SCAPER: variants seen among roughly 807,000 people sequenced by gnomAD.
SCAPER encodes the protein S-phase cyclin A associated protein in the ER.
SCAPER carries 98 observed loss-of-function variants against 182.2 expected under a neutral mutation model. The observed-to-expected ratio is 0.54, with a 90% CI of 0.46 to 0.64. The LOEUF (loss-of-function observed/expected upper bound fraction) is 0.64, where lower values mean the gene tolerates loss of function less well. Among genes scored for constraint, SCAPER ranks in the 30% least tolerant of loss-of-function variants. The probability of loss-of-function intolerance (pLI) is 0.00; values close to 1 mark genes in which losing one functional copy is unlikely to be tolerated. For missense variants in SCAPER, 1,432 were observed against 1,690.0 expected, an observed-to-expected ratio of 0.85 and a Z score of 2.68; for synonymous variants, 605 against 564.6, an observed-to-expected ratio of 1.07 and a Z score of -1.01.
chr15:76,563,773 G>A (rs2046823934), intron 23 of SCAPER, among the ~76,000 whole-genome samples: 1 of 152,126 alleles, frequency 6.6e-6, no homozygotes, highest in East Asian at 1.9e-4. Context: ...CAAAATACTG[G>A]CAATCCAAAT....
chr15:76,878,651 G>A (rs1397904745), intron 2 of SCAPER, among the ~76,000 whole-genome samples: 1 of 152,160 alleles, frequency 6.6e-6, no homozygotes, highest in Non-Finnish European at 1.5e-5. Context: ...GTCAAAGCCA[G>A]GCATGGTAGC....
intron 23 of SCAPER, among the ~76,000 whole-genome samples, chr15:76,533,285 G>T (rs1017584468): frequency 7.2e-5 from 11 of 152,218 alleles, no homozygotes; most frequent in Middle Eastern, 6.8e-3. Context: ...GCCACATAAC[G>T]ATGTTTCAGT....
At chr15:76,535,120 G>T (rs751409073) in intron 23 of SCAPER, among the ~76,000 whole-genome samples, 2 of 151,968 alleles carry the variant, frequency 1.3e-5, no homozygotes, top group African/African-American at 4.8e-5. Flanking sequence ...ACACTCAGTG[G>T]GTCTATAGAA....
chr15:76,518,467 T>A (rs2042603884), intron 23 of SCAPER, among the ~76,000 whole-genome samples: 1 of 152,166 alleles, frequency 6.6e-6, no homozygotes, highest in African/African-American at 2.4e-5. Flanking sequence ...TTAGAGATGA[T>A]CCTGTTAGCA....
chr15:76,802,587 A>G (rs749054537), intron 6 of SCAPER, among the ~76,000 whole-genome samples: 1 of 152,238 alleles, frequency 6.6e-6, no homozygotes, highest in Non-Finnish European at 1.5e-5. Context: ...TAAAAGGATC[A>G]ACCTATCTTA....
rs1424059033 is a variant in SCAPER at position 76,600,916 on chromosome 15, G to A, written c.2711+20848C>T. On this transcript the variant is annotated intron_variant, in intron 22 of 31. Coordinates refer to ENST00000563290, the MANE Select transcript of SCAPER (RefSeq NM_020843.4). ...AAACAAAACAGAAAACAAAAAGATC[G>A]AATCTATACATTTTAAAGCAATTTT... is the stretch of plus-strand genomic sequence containing the variant. Among the ~76,000 whole-genome samples, 3 of 120,434 alleles carry A rather than the reference G, an allele frequency of 2.5e-5. 1 individual carries two copies. Among genetic ancestry groups the A allele is most frequent in the Non-Finnish European group, 6.0e-5 (3 of 49,732 alleles). 79.0% of individuals were successfully genotyped at this position (120,434 alleles called of 152,430 possible).
chr15:76,744,275 A>G (rs2151132062), intron 15 of SCAPER, among the ~76,000 whole-genome samples: 1 of 152,278 alleles, frequency 6.6e-6, no homozygotes, highest in East Asian at 1.9e-4. Context: ...AACAAAAACA[A>G]AAGTTGACAA....
chr15:76,766,373 G>A (rs928388611), intron 11 of SCAPER, among the ~76,000 whole-genome samples: 3 of 152,112 alleles, frequency 2.0e-5, no homozygotes, highest in African/African-American at 7.2e-5. Context: ...AGGATTACAG[G>A]CATGAGCCAC....
intron 1 of SCAPER, among the ~76,000 whole-genome samples, chr15:76,885,357 C>G (rs1427181313): frequency 6.6e-6 from 1 of 152,210 alleles, no homozygotes; most frequent in Non-Finnish European, 1.5e-5. Context: ...CCTCCTTATG[C>G]TTCCCAGCAT....
chr15:76,631,248 G>A (rs949083260), intron 21 of SCAPER, among the ~76,000 whole-genome samples: 12 of 152,090 alleles, frequency 7.9e-5, no homozygotes, highest in African/African-American at 1.2e-4. Flanking sequence ...TATCCAGCTC[G>A]CCGTTCTGTG....
chr15:76,636,877 A>G (rs2053646180), intron 21 of SCAPER, among the ~76,000 whole-genome samples: 1 of 152,168 alleles, frequency 6.6e-6, no homozygotes, highest in Non-Finnish European at 1.5e-5. Context: ...GTGGTTCCCT[A>G]CCATACCATT....
chr15:76,751,281 ATTG>A (rs1465702366), intron 15 of SCAPER, among the ~76,000 whole-genome samples: 1 of 151,832 alleles, frequency 6.6e-6, no homozygotes, highest in African/African-American at 2.4e-5. Context: ...AACACTTAAT[ATTG>A]TTAAGATATC....
rs1440823881 is a variant in SCAPER, at chr15:76,862,433, T to C, written c.107A>G (p.Glu36Gly). 2 of 1,606,874 alleles carry C rather than the reference T, an allele frequency of 1.2e-6. No homozygotes were observed. Among genetic ancestry groups the C allele is most frequent in the Non-Finnish European group, 1.7e-6 (2 of 1,174,292 alleles). The change falls in exon 3 of 32, where the codon GAA becomes GGA. Residue 36 changes from glutamate to glycine, a missense_variant. This residue lies in a region of SCAPER where 480 missense variants were observed against 510.2 expected (regional missense o/e 0.94). Coordinates refer to ENST00000563290, the MANE Select transcript of SCAPER (RefSeq NM_020843.4). ...ATACATACCATCATCATCTTTGCTT[T>C]CTAGTGGAACACTCCAAGCTATTAG... is the stretch of plus-strand genomic sequence containing the variant. ...RNLIAWSVPL[E>G]SKDDDGKPKC...
intron 24 of SCAPER, among the ~76,000 whole-genome samples, chr15:76,482,901 A>C (rs2051265186): frequency 1.3e-5 from 2 of 152,112 alleles, no homozygotes; most frequent in African/African-American, 4.8e-5. Flanking sequence ...GGGTAGGAAG[A>C]CTCAATAATG....
At chr15:76,412,703 A>G (rs1383051630) in intron 26 of SCAPER, among the ~76,000 whole-genome samples, 1 of 152,116 alleles carries the variant, frequency 6.6e-6, no homozygotes, top group Admixed American at 6.6e-5. Flanking sequence ...TCTTTTTCAA[A>G]ATTGTTTTGG....
chr15:76,659,276 A>G (rs766474169), intron 21 of SCAPER, among the ~76,000 whole-genome samples: 2 of 151,010 alleles, frequency 1.3e-5, no homozygotes, highest in Non-Finnish European at 3.0e-5. Context: ...TTACAGACAC[A>G]CTTTTTTTTT....
At chr15:76,590,632 T>C (rs2049037141) in intron 22 of SCAPER, among the ~76,000 whole-genome samples, 2 of 152,192 alleles carry the variant, frequency 1.3e-5, no homozygotes, top group African/African-American at 4.8e-5. Context: ...AGAATGAATA[T>C]TTCTCAAAGA....
At chr15:76,698,137 C>T (rs73461343) in intron 20 of SCAPER, among the ~76,000 whole-genome samples, 5 of 151,954 alleles carry the variant, frequency 3.3e-5, no homozygotes, top group African/African-American at 1.2e-4. Flanking sequence ...TCTTAAACTA[C>T]TCATACGATT....
intron 20 of SCAPER, among the ~76,000 whole-genome samples, chr15:76,686,737 T>C (rs1001452133): frequency 3.3e-5 from 5 of 152,080 alleles, no homozygotes; most frequent in Admixed American, 6.5e-5. Flanking sequence ...AAGCTCTTCA[T>C]AGTAATTGGA....
Sources: allele counts gnomAD v4.1 joint callset (sites outside exome capture counted in the v4.1 genomes callset), GRCh38; gene constraint gnomAD v4.1.1; regional missense constraint gnomAD v4.1.1; transcripts MANE v1.5; gene names NCBI Gene and HGNC (gene_info 2026-07-23, HGNC 2026-07-21).